PNPT1: variants seen among roughly 807,000 people sequenced by gnomAD.
PNPT1 encodes polyribonucleotide nucleotidyltransferase 1.
PNPT1 carries 53 observed loss-of-function variants against 119.5 expected under a neutral mutation model. The ratio of observed to expected loss-of-function variants is 0.44; its 90% CI spans 0.36 to 0.56. PNPT1 has a LOEUF of 0.56. PNPT1 is among the 20% of genes least tolerant of loss of function. The pLI is 0.00. For missense variants in PNPT1, 948 were observed against 938.5 expected, an observed-to-expected ratio of 1.01 and a Z score of -0.13; for synonymous variants, 357 against 322.1, an observed-to-expected ratio of 1.11 and a Z score of -1.16.
intron 8 of PNPT1, among the ~76,000 whole-genome samples, chr2:55,677,220 C>T (rs1432045246): frequency 1.3e-5 from 2 of 152,228 alleles, no homozygotes; most frequent in African/African-American, 4.8e-5. Context: ...TCATTCTTCC[C>T]TCCTGTGAGC....
chr2:55,646,901 C>T (rs141212368), intron 19 of PNPT1, among the ~76,000 whole-genome samples: 4,820 of 152,058 alleles, frequency 0.032, 110 homozygotes, highest in South Asian at 0.089. Flanking sequence ...TGCAGTGGCA[C>T]GATCTTGGCT....
chr2:55,691,802 C>G (rs970682972), intron 1 of PNPT1, among the ~76,000 whole-genome samples: 1 of 144,898 alleles, frequency 6.9e-6, no homozygotes, highest in Non-Finnish European at 1.5e-5. Context: ...GGTGACCAAA[C>G]TACAGCTTGT....
chr2:55,683,490 G>A (rs1572833675), intron 5 of PNPT1, among the ~76,000 whole-genome samples: 1 of 151,908 alleles, frequency 6.6e-6, no homozygotes, highest in East Asian at 1.9e-4. Context: ...GTGCGTGCCT[G>A]TAATCCCAGC....
In PNPT1 at chr2:55,643,366, C is replaced by T; in HGVS notation, c.1966G>A (p.Ala656Thr). ...ATGAAGTCTCTTGCCTCATGCATAGCACTGGGTGTTGGTGCAAATACAGAA... is the reference window on the plus strand; with the variant it reads ...ATGAAGTCTCTTGCCTCATGCATAGTACTGGGTGTTGGTGCAAATACAGAA... ...TFSVFAPTPSAMHEARDFITE... is the reference protein window; with the variant it reads ...TFSVFAPTPSTMHEARDFITE... Residue 656 changes from alanine (A) to threonine (T), a missense_variant, in exon 24 of 28, where the codon GCT (alanine) becomes ACT (threonine). Transcript: ENST00000447944. 6.2e-7 allele frequency: 1 copy of T among 1,614,186 alleles called. No individual in the cohort carries two copies. Among genetic ancestry groups the T allele is most frequent in the East Asian group, 2.2e-5 (1 of 44,886 alleles).
At chr2:55,679,874 C>T in intron 7 of PNPT1, 79 bp from the exon 8 acceptor site, 3 of 954,318 alleles carry the variant, frequency 3.1e-6, no homozygotes, top group Admixed American at 4.8e-5. Context: ...ATGGCTTCAA[C>T]CCCATCTTTG....
chr2:55,666,043 T>A (rs1319812818), intron 13 of PNPT1, among the ~76,000 whole-genome samples: 1 of 152,108 alleles, frequency 6.6e-6, no homozygotes, highest in East Asian at 1.9e-4. Context: ...ACAATCACAA[T>A]ATGCCATAAA....
chr2:55,654,328 T>C (rs1323095140), intron 18 of PNPT1, among the ~76,000 whole-genome samples: 1 of 151,976 alleles, frequency 6.6e-6, no homozygotes, highest in Admixed American at 6.6e-5. Context: ...GGGATTATAA[T>C]GAAACATTTG....
At chr2:55,650,788 C>T (rs1389942508) in intron 18 of PNPT1, among the ~76,000 whole-genome samples, 10 of 140,566 alleles carry the variant, frequency 7.1e-5, no homozygotes, top group South Asian at 2.3e-4. Context: ...CCCCTCCGCC[C>T]GGCAGCCGCG....
chr2:55,645,804 G>A (rs902746016), intron 21 of PNPT1, among the ~76,000 whole-genome samples: 1 of 151,102 alleles, frequency 6.6e-6, no homozygotes, highest in African/African-American at 2.4e-5. Context: ...GTGCTAGGAT[G>A]AGCCACCATG....
At chr2:55,655,147 A>G (rs1696345170) in intron 17 of PNPT1, among the ~76,000 whole-genome samples, 194 bp from the exon 18 acceptor site, 1 of 152,242 alleles carries the variant, frequency 6.6e-6, no homozygotes, top group African/African-American at 2.4e-5. Flanking sequence ...GGTAGACATT[A>G]GCCATAAGTG....
At chr2:55,656,799 C>G (rs1425838101) in intron 15 of PNPT1, among the ~76,000 whole-genome samples, 1 of 152,142 alleles carries the variant, frequency 6.6e-6, no homozygotes, top group Non-Finnish European at 1.5e-5. Flanking sequence ...TTAGAGTTAT[C>G]TCTCTCCACT....
intron 2 of PNPT1, 55 bp downstream of exon 2, chr2:55,687,590 G>A (rs1018121049): frequency 2.3e-6 from 3 of 1,305,516 alleles, no homozygotes. Context: ...TACACATTTA[G>A]TATGAGTCTC....
chr2:55,672,824 A>C (rs1252421977), intron 9 of PNPT1, 69 bp downstream of exon 9: 10 of 1,405,068 alleles, frequency 7.1e-6, no homozygotes, highest in Non-Finnish European at 9.6e-6. Context: ...TTCCATGGGA[A>C]GTTTCTCTCC....
chr2:55,672,931 T>A lies in PNPT1; in HGVS notation c.828A>T (p.Leu276Phe). The A allele has an allele frequency of 6.2e-7, 1 of 1,609,386 alleles. No individual in the cohort carries two copies. Among genetic ancestry groups the A allele is most frequent in the Non-Finnish European group, 8.5e-7 (1 of 1,178,890 alleles). ...TCACAATCTCTGGCGAAGGGGTAAA[T>A]AACTTCTGAGGTGTCCTCTTGGTAA... The part of the protein sequence containing the change: ...TGVTKRTPQK[L>F]FTPSPEIVKY... Residue 276 changes from leucine (L) to phenylalanine (F), a missense_variant, in exon 9 of 28, where the codon TTA (leucine) becomes TTT (phenylalanine). Physicochemically the swap from Leu to Phe is conservative, Grantham distance 22. Coordinates refer to ENST00000447944, the MANE Select transcript of PNPT1 (RefSeq NM_033109.5).
intron 14 of PNPT1, 120 bp from the exon 15 acceptor site, chr2:55,660,313 G>A: frequency 9.7e-7 from 1 of 1,028,972 alleles, no homozygotes; most frequent in Non-Finnish European, 1.3e-6. Flanking sequence ...TGAAAAATCA[G>A]ACTGAAACTG....
intron 1 of PNPT1, among the ~76,000 whole-genome samples, chr2:55,693,002 C>CT (rs913450711): frequency 5.3e-5 from 8 of 151,990 alleles, no homozygotes; most frequent in Admixed American, 1.3e-4. Context: ...CTCTTGGTCT[C>CT]TTTTTTTTGC....
intron 25 of PNPT1, among the ~76,000 whole-genome samples, chr2:55,641,704 T>A (rs1017354235): frequency 5.3e-5 from 8 of 152,202 alleles, no homozygotes; most frequent in African/African-American, 1.9e-4. Flanking sequence ...AATTATCTCC[T>A]TGCCTTTTAT....
At chr2:55,637,739 G>GT (rs1250076569) in intron 26 of PNPT1, 140 bp from the exon 27 acceptor site, 5 of 677,408 alleles carry the variant, frequency 7.4e-6, no homozygotes, top group Non-Finnish European at 2.6e-6. Context: ...GCTCAAGCCT[G>GT]TAATTCCAGC....
chr2:55,672,994 T>A lies in PNPT1; in HGVS notation c.765A>T (p.Ile255=). The A allele has an allele frequency of 6.2e-7, 1 of 1,613,534 alleles. No homozygotes were observed. The change falls in exon 9 of 28, where the codon ATA becomes ATT. Residue 255 remains isoleucine (I), a synonymous_variant. Coordinates refer to ENST00000447944, the MANE Select transcript of PNPT1 (RefSeq NM_033109.5). ...TTACCAACTGCTGAATGCCCTGAAT[T>A]ATTTGTTGGGTATATTTCACTCCCA... ...IKVGVKYTQQ[I]IQGIQQLVKE...
Sources: gnomAD v4.1 joint callset for allele counts (sites outside exome capture counted in the v4.1 genomes callset) on GRCh38, gnomAD v4.1.1 for gene constraint, MANE v1.5 for transcripts, NCBI Gene and HGNC (gene_info 2026-07-23, HGNC 2026-07-21) for gene names.